The following MORN1 variants were observed in gnomAD, a reference collection of about 807,000 sequenced individuals.
The protein encoded by MORN1 is MORN repeat-containing protein 1.
In MORN1, 67 loss-of-function variants were observed where a neutral mutation model predicts 61.9. The ratio of observed to expected loss-of-function variants is 1.08; its 90% CI spans 0.89 to 1.33. The LOEUF (loss-of-function observed/expected upper bound fraction) is 1.33. Ranked by LOEUF, MORN1 falls within the 40% of genes most tolerant of loss-of-function variation. The probability of loss-of-function intolerance (pLI) is 0.00; values close to 1 mark genes in which losing one functional copy is unlikely to be tolerated. For missense variants in MORN1, 752 were observed against 691.2 expected (o/e 1.09, Z -0.99); for synonymous variants, 301 against 292.0 (o/e 1.03, Z -0.31).
At chr1:2,389,044 G>A (rs1159918612) in intron 2 of MORN1, among the ~76,000 whole-genome samples, 6 of 151,120 alleles carry the variant, frequency 4.0e-5, no homozygotes, top group African/African-American at 9.7e-5. Context: ...CCTGGGAGCC[G>A]GAGGTTGCAG....
intron 10 of MORN1, chr1:2,352,043 TCCA>T (rs971601797): frequency 5.7e-5 from 32 of 557,314 alleles, no homozygotes; most frequent in Non-Finnish European, 8.9e-5. Flanking sequence ...TAGGAATGAG[TCCA>T]CCAAGACCCT....
At chr1:2,388,910 G>A (rs1024469200) in intron 2 of MORN1, among the ~76,000 whole-genome samples, 4 of 151,808 alleles carry the variant, frequency 2.6e-5, no homozygotes, top group Non-Finnish European at 4.4e-5. Context: ...TCAGGAGTTC[G>A]AGACCAGCCA....
In MORN1 at chr1:2,334,243, C is replaced by T. The variant is rs1641218724; in HGVS notation, c.1250+2226G>A. On this transcript the variant is annotated intron_variant, in intron 12 of 13. Transcript: ENST00000378531. The surrounding 1 kb of genome is among the most constrained non-coding windows in gnomAD (Gnocchi z 5.4). ...TGAGGGCCTCTGGGTGGTGGGGGGG[C>T]AGCAGGTGTAAGAACGGTAAGGGAT... is the stretch of plus-strand genomic sequence containing the variant. Among the ~76,000 whole-genome samples the T allele has an allele frequency of 6.6e-6, 1 of 151,732 alleles. No individual in the cohort carries two copies. Among genetic ancestry groups the T allele is most frequent in the South Asian group, 2.1e-4 (1 of 4,798 alleles).
rs765280254 is a variant in MORN1, at chr1:2,390,027, C to T, written c.77-31G>A. 2.9e-5 allele frequency: 46 copies of T among 1,577,290 alleles called. No individual in the cohort carries two copies. The East Asian group carries it at 1.0e-3, about 35-fold the overall frequency. ...TATTGAGAAGACACACACAGGTAAG[C>T]ACAGACACAGAGATGAGGGATGCTC... On this transcript the variant is annotated intron_variant, in intron 1 of 13. Transcript: ENST00000378531.
intron 10 of MORN1, among the ~76,000 whole-genome samples, chr1:2,342,325 A>T (rs969560886): frequency 6.6e-6 from 1 of 152,262 alleles, no homozygotes; most frequent in Non-Finnish European, 1.5e-5. Context: ...GGGCCAGGCC[A>T]GCCCCAAGAA....
intron 12 of MORN1, chr1:2,326,245 C>T (rs1641023380): frequency 6.6e-6 from 1 of 152,180 alleles, no homozygotes; most frequent in African/African-American, 2.4e-5. Flanking sequence ...GTGGGGAGAA[C>T]AGGCTTTGCC....
At chr1:2,388,596 GGA>G in intron 2 of MORN1, 4 of 438,674 alleles carry the variant, frequency 9.1e-6, no homozygotes, top group South Asian at 2.5e-5. Flanking sequence ...TGAGCAACAC[GGA>G]GAGACCCCGT....
At chr1:2,333,007 C>T (rs1301766984) in intron 12 of MORN1, among the ~76,000 whole-genome samples, 1 of 152,204 alleles carries the variant, frequency 6.6e-6, no homozygotes, top group Non-Finnish European at 1.5e-5. Context: ...ACGGGTCCCC[C>T]AAGGGGCTTG....
intron 4 of MORN1, chr1:2,387,123 CAGG>C: frequency 2.2e-6 from 1 of 444,964 alleles, no homozygotes; most frequent in Non-Finnish European, 4.1e-6. Context: ...ACCCCAGGAT[CAGG>C]AGCAGTTAAT....
rs772157368 is a variant in MORN1 at position 2,385,062 on chromosome 1, G to A, written c.453C>T (p.Asn151=). The A allele has an allele frequency of 1.3e-5, 20 of 1,590,542 alleles. No homozygotes were observed. Among genetic ancestry groups the A allele is most frequent in the Middle Eastern group, 2.3e-4 (1 of 4,418 alleles). Residue 151 remains asparagine, a synonymous_variant, in exon 6 of 14, where the codon AAC becomes AAT. Transcript: ENST00000378531. ...RHGPGQMLFQ[N]GDKYDGDWVR... ...CCCAGTCGCCGTCGTACTTGTCACCGTTCCTGGGGGACACACGCACGGAGT... is the reference window on the plus strand; with the variant it reads ...CCCAGTCGCCGTCGTACTTGTCACCATTCCTGGGGGACACACGCACGGAGT...
In MORN1 at chr1:2,381,710, G is replaced by A. The variant is rs565380989; in HGVS notation, c.537+3268C>T. ...GAATTCAAGGTTTTACCACCAAGGG[G>A]AGAAACCATCCCAAGCAGAAAGGCC... On this transcript the variant is annotated intron_variant, in intron 6 of 13. Coordinates refer to ENST00000378531, the MANE Select transcript of MORN1 (RefSeq NM_024848.3). Among the ~76,000 whole-genome samples, 33 of 152,274 alleles carry A rather than the reference G, an allele frequency of 2.2e-4. No homozygotes were observed. In the South Asian group the frequency reaches 6.8e-3, roughly 32 times the overall value.
chr1:2,323,489 G>A, intron 13 of MORN1: 1 of 985,428 alleles, frequency 1.0e-6, no homozygotes, highest in East Asian at 1.1e-4. Flanking sequence ...TCCTGCTAGG[G>A]GTCCGAGCCT....
intron 6 of MORN1, chr1:2,376,645 G>A (rs1169978664): frequency 6.6e-6 from 1 of 152,220 alleles, no homozygotes; most frequent in Non-Finnish European, 1.5e-5. Context: ...GCTCACGTAT[G>A]TGGCACGAGC....
rs1021594944 is a variant in MORN1, at chr1:2,372,255, G to A, written c.745+226C>T. The A allele has an allele frequency of 5.4e-5, 28 of 515,488 alleles. No individual in the cohort carries two copies. The highest frequency in any genetic ancestry group is 4.0e-4 in the African/African-American group (21 of 51,936). The allele number at this position is 515,488 out of a possible 1,614,324, so 31.9% of individuals were successfully genotyped here. A position where few individuals can be genotyped will look rare whatever the true frequency, so the allele number is the denominator to read the frequency against. ...CATATGCACACACATACAGGAGCAC[G>A]CACATCACACAATATGTGCACACAT... On this transcript the variant is annotated intron_variant, in intron 8 of 13. Transcript: ENST00000378531. This position sits in a 1 kb window ranked among gnomAD's most constrained non-coding sequence, Gnocchi z 5.4.
chr1:2,353,455 AG>A (rs1641694283), intron 10 of MORN1, among the ~76,000 whole-genome samples: 1 of 152,090 alleles, frequency 6.6e-6, no homozygotes, highest in Non-Finnish European at 1.5e-5. Context: ...TGACTGAGAG[AG>A]GGTCTCCGGG....
chr1:2,357,505 G>A lies in MORN1; in HGVS notation c.963C>T (p.Pro321=). 6.2e-7 allele frequency: 1 copy of A among 1,612,756 alleles called. No homozygotes were observed. The highest frequency in any genetic ancestry group is 8.5e-7 in the Non-Finnish European group (1 of 1,179,668). The change falls in exon 10 of 14, where the codon CCC becomes CCT. Residue 321 remains proline (P), a synonymous_variant. Coordinates refer to ENST00000378531, the MANE Select transcript of MORN1 (RefSeq NM_024848.3). The surrounding 1 kb of genome is among the most constrained non-coding windows in gnomAD (Gnocchi z 6.3). ...AAKGGAEADV[P]LPRGDLELHL... ...GCAGCTCCAGGTCTCCCCTGGGCAG[G>A]GGCACGTCGGCTTCTGCCCCTCCCT...
At chr1:2,364,600 A>G (rs1442522722) in intron 8 of MORN1, among the ~76,000 whole-genome samples, 2 of 150,628 alleles carry the variant, frequency 1.3e-5, no homozygotes, top group Non-Finnish European at 2.9e-5. Context: ...TTTTGTTGCC[A>G]TTGCTTTCGG....
intron 10 of MORN1, among the ~76,000 whole-genome samples, chr1:2,345,895 A>G (rs1248482002): frequency 3.3e-5 from 5 of 152,000 alleles, no homozygotes. Context: ...CCCCGAGCTC[A>G]CACGCCCCAG....
rs1185079319 is a variant in MORN1, at chr1:2,357,541, G to A, written c.927C>T (p.Pro309=). 1.2e-6 allele frequency: 2 copies of A among 1,612,484 alleles called. No individual in the cohort carries two copies. Among genetic ancestry groups the A allele is most frequent in the Admixed American group, 3.3e-5 (2 of 59,904 alleles). The change falls in exon 10 of 14, where the codon CCC becomes CCT. Residue 309 remains proline (P), a synonymous_variant. Transcript: ENST00000378531. This position sits in a 1 kb window ranked among gnomAD's most constrained non-coding sequence, Gnocchi z 6.3. ...CTTCTGCCCCTCCCTTGGCAGCTCTGGGCCCCGGCACCCCAGCTGCGGGGC... is the reference window on the plus strand; with the variant it reads ...CTTCTGCCCCTCCCTTGGCAGCTCTAGGCCCCGGCACCCCAGCTGCGGGGC... ...VSSPAAGVPG[P]RAAKGGAEAD... is the part of the protein sequence containing the mutation.
Sources: allele counts gnomAD v4.1 joint callset (sites outside exome capture counted in the v4.1 genomes callset), GRCh38; gene constraint gnomAD v4.1.1; non-coding constraint Gnocchi (gnomAD v3.1); transcripts MANE v1.5; gene names NCBI Gene and HGNC (gene_info 2026-07-23, HGNC 2026-07-21).